Variants in SNX8 observed in about 807,000 individuals in gnomAD.
SNX8 encodes the protein sorting nexin 8.
SNX8 carries 25 observed loss-of-function variants against 51.6 expected under a neutral mutation model. That is an observed-to-expected ratio of 0.48 (90% CI 0.35 to 0.68). SNX8 has a LOEUF of 0.68. Ranked by LOEUF, SNX8 falls within the 30% of genes least tolerant of loss-of-function variation. The probability of loss-of-function intolerance (pLI) is 0.00; values close to 1 mark genes in which losing one functional copy is unlikely to be tolerated. For synonymous variants in SNX8, 324 were observed against 277.0 expected, an observed-to-expected ratio of 1.17 and a Z score of -1.68; for missense variants, 695 against 624.0, an observed-to-expected ratio of 1.11 and a Z score of -1.21.
intron 5 of SNX8, among the ~76,000 whole-genome samples, chr7:2,268,013 G>C (rs1388437031): frequency 6.6e-6 from 1 of 150,946 alleles, no homozygotes; most frequent in Non-Finnish European, 1.5e-5. Flanking sequence ...GACCCCGTCT[G>C]GGAGGTGAGG....
At chr7:2,319,933 T>G (rs1255154301) in intron 1 of SNX8, among the ~76,000 whole-genome samples, 1 of 149,942 alleles carries the variant, frequency 6.7e-6, no homozygotes, top group Non-Finnish European at 1.5e-5. Context: ...TGAGCCGAGA[T>G]CATGCCACTG....
At chr7:2,266,847 C>A (rs1321655407) in intron 5 of SNX8, among the ~76,000 whole-genome samples, 5 of 152,030 alleles carry the variant, frequency 3.3e-5, no homozygotes, top group Admixed American at 6.5e-5. Flanking sequence ...AAGAAAAAAC[C>A]AAAAACAAAA....
rs138243348 is a variant in SNX8, at chr7:2,295,359, G to C, written c.95-17054C>G. 9.6e-5 allele frequency among the ~76,000 whole-genome samples: 14 copies of C among 146,036 alleles called. No individual in the cohort carries two copies. The East Asian group carries it at 2.3e-3, about 24-fold the overall frequency. The stretch of plus-strand genomic sequence containing the variant: ...ACGGAGGCTGCAGTGAGCCGAGTTC[G>C]TGCCATTGCACCCAGCCCGGGTAAC... On this transcript the variant is annotated intron_variant, in intron 1 of 10. Coordinates refer to ENST00000222990, the MANE Select transcript of SNX8 (RefSeq NM_013321.4).
intron 1 of SNX8, among the ~76,000 whole-genome samples, chr7:2,293,275 A>C (rs1229574712): frequency 1.3e-5 from 2 of 149,880 alleles, no homozygotes; most frequent in African/African-American, 4.9e-5. Flanking sequence ...CCACTGAAAC[A>C]AGCCAAATTA....
At chr7:2,350,726 A>T (rs914020473) in intron 1 of SNX8, among the ~76,000 whole-genome samples, 2 of 151,966 alleles carry the variant, frequency 1.3e-5, no homozygotes, top group Non-Finnish European at 2.9e-5. Context: ...GGCTCACTGC[A>T]GCCTCTGCCT....
At chr7:2,257,334 C>T in intron 9 of SNX8, 31 bp downstream of exon 9, 1 of 1,592,080 alleles carries the variant, frequency 6.3e-7, no homozygotes, top group Non-Finnish European at 8.5e-7. Context: ...GAAAGGCTCC[C>T]ACGGGCCTGC....
chr7:2,258,468 AC>A (rs1554261745), intron 7 of SNX8, among the ~76,000 whole-genome samples: 1 of 150,870 alleles, frequency 6.6e-6, no homozygotes, highest in Non-Finnish European at 1.5e-5. Context: ...GATGCCCCAG[AC>A]CCCCCGACCC....
intron 6 of SNX8, among the ~76,000 whole-genome samples, chr7:2,264,047 G>A (rs746435707): frequency 6.6e-6 from 1 of 151,982 alleles, no homozygotes; most frequent in South Asian, 2.1e-4. Flanking sequence ...TCCTGACAGT[G>A]AAAAAACTAC....
chr7:2,336,335 G>A (rs1778828162), intron 1 of SNX8, among the ~76,000 whole-genome samples: 1 of 152,014 alleles, frequency 6.6e-6, no homozygotes, highest in Non-Finnish European at 1.5e-5. Flanking sequence ...GGGTGGCGGA[G>A]TTTGCAGTGA....
chr7:2,278,539 T>C (rs1000791352), intron 1 of SNX8, among the ~76,000 whole-genome samples: 3 of 152,220 alleles, frequency 2.0e-5, no homozygotes, highest in African/African-American at 4.8e-5. Flanking sequence ...GCTCAGCACA[T>C]GGACTCTGGC....
intron 1 of SNX8, among the ~76,000 whole-genome samples, chr7:2,308,840 G>A (rs1796604963): frequency 6.7e-6 from 1 of 149,212 alleles, no homozygotes; most frequent in African/African-American, 2.5e-5. Flanking sequence ...CTGCAGCGCG[G>A]CACCATCTCG....
intron 1 of SNX8, among the ~76,000 whole-genome samples, chr7:2,341,128 C>T (rs1298286807): frequency 1.3e-5 from 2 of 149,374 alleles, no homozygotes; most frequent in African/African-American, 4.9e-5. Context: ...TGTGATCACG[C>T]CATTCACTCC....
intron 1 of SNX8, among the ~76,000 whole-genome samples, chr7:2,323,290 A>AC (rs1427453189): frequency 1.4e-5 from 2 of 143,652 alleles, no homozygotes; most frequent in Non-Finnish European, 3.0e-5. Flanking sequence ...AGATTGTGCC[A>AC]CTGCCCTCCA....
At chr7:2,285,401 C>G (rs1288725804) in intron 1 of SNX8, among the ~76,000 whole-genome samples, 4 of 151,960 alleles carry the variant, frequency 2.6e-5, no homozygotes, top group Non-Finnish European at 5.9e-5. Flanking sequence ...AACAAAAAAA[C>G]TTTCTCTAAG....
intron 3 of SNX8, among the ~76,000 whole-genome samples, chr7:2,273,256 C>G (rs763808066): frequency 3.3e-5 from 5 of 151,756 alleles, no homozygotes; most frequent in Non-Finnish European, 7.4e-5. Flanking sequence ...TCTACATCAG[C>G]CTGGCCAGCG....
chr7:2,312,070 G>C (rs1378122662), intron 1 of SNX8, among the ~76,000 whole-genome samples: 1 of 152,122 alleles, frequency 6.6e-6, no homozygotes, highest in African/African-American at 2.4e-5. Flanking sequence ...TTACAGGAAA[G>C]GGCACTGTGA....
At chr7:2,295,381 T>C (rs1022329314) in intron 1 of SNX8, among the ~76,000 whole-genome samples, 99 of 116,478 alleles carry the variant, frequency 8.5e-4, no homozygotes, top group African/African-American at 3.1e-3. Context: ...CCAGCCCGGG[T>C]AACAGAGGGA....
chr7:2,268,534 A>G (rs1232659365), intron 5 of SNX8, among the ~76,000 whole-genome samples: 15 of 132,446 alleles, frequency 1.1e-4, no homozygotes, highest in South Asian at 2.6e-4. Flanking sequence ...CAGCCGTGCC[A>G]TCCGGGAGGG....
intron 1 of SNX8, among the ~76,000 whole-genome samples, chr7:2,341,876 G>A (rs1187398315): frequency 1.4e-4 from 22 of 152,030 alleles, no homozygotes; most frequent in Admixed American, 1.4e-3. Context: ...GGGAGGCTGA[G>A]GCAGGAGAAT....
Sources: allele counts gnomAD v4.1 joint callset (sites outside exome capture counted in the v4.1 genomes callset), GRCh38; gene constraint gnomAD v4.1.1; transcripts MANE v1.5; gene names NCBI Gene and HGNC (gene_info 2026-07-23, HGNC 2026-07-21).